Variants in TRIO observed in about 807,000 individuals in gnomAD.
TRIO encodes trio Rho guanine nucleotide exchange factor.
Under a neutral mutation model 351.9 loss-of-function variants are expected in TRIO, and 58 were observed. The observed-to-expected ratio is 0.16, with a 90% CI of 0.13 to 0.21. The LOEUF (loss-of-function observed/expected upper bound fraction) is 0.21. Ranked by LOEUF, TRIO falls within the 10% of genes least tolerant of loss-of-function variation. TRIO has a pLI of 1.00. For missense variants in TRIO, 3,201 were observed against 4,027.8 expected (o/e 0.79, Z 5.56); for synonymous variants, 1,758 against 1,595.7 (o/e 1.10, Z -2.42).
rs76704827 is a variant in TRIO, at chr5:14,287,067, A to C, written c.540+4A>C. The C allele has an allele frequency of 6.2e-7, 1 of 1,613,734 alleles. No individual in the cohort carries two copies. The highest frequency in any genetic ancestry group is 8.5e-7 in the Non-Finnish European group (1 of 1,179,780). On this transcript the variant is annotated splice_donor_region_variant and intron_variant, in intron 4 of 56. Coordinates refer to ENST00000344204, the MANE Select transcript of TRIO (RefSeq NM_007118.4). ...CAGTTCTAAATTTGAATTTGAGGTA[A>C]CTTCCCCCGTGTGGCTAGACCCACT...
intron 1 of TRIO, among the ~76,000 whole-genome samples, chr5:14,225,567 T>C (rs1792937803): frequency 6.6e-6 from 1 of 152,134 alleles, no homozygotes; most frequent in African/African-American, 2.4e-5. Context: ...CAGGGGTCAC[T>C]CTTTCCTGGA....
At chr5:14,313,046 A>G (rs1739064640) in intron 8 of TRIO, among the ~76,000 whole-genome samples, 1 of 152,208 alleles carries the variant, frequency 6.6e-6, no homozygotes, top group Non-Finnish European at 1.5e-5. Flanking sequence ...ATATAGAATC[A>G]TATTTGGAAA....
intron 1 of TRIO, among the ~76,000 whole-genome samples, chr5:14,226,695 G>A (rs1462527020): frequency 1.6e-4 from 25 of 152,176 alleles, no homozygotes; most frequent in Admixed American, 1.6e-3. Flanking sequence ...GAAGCATTAC[G>A]TCTTCACTTA....
intron 11 of TRIO, among the ~76,000 whole-genome samples, chr5:14,345,520 G>A (rs1742341827): frequency 1.3e-5 from 2 of 152,214 alleles, no homozygotes; most frequent in Admixed American, 1.3e-4. Flanking sequence ...GAGATGAAGT[G>A]TTAAGGCCTT....
At chr5:14,325,515 C>G (rs917943093) in intron 9 of TRIO, among the ~76,000 whole-genome samples, 2 of 152,164 alleles carry the variant, frequency 1.3e-5, no homozygotes, top group African/African-American at 4.8e-5. Context: ...GAGTTAGACT[C>G]ACTCCCTCCC....
chr5:14,216,829 T>C (rs1332369161), intron 1 of TRIO, among the ~76,000 whole-genome samples: 2 of 152,262 alleles, frequency 1.3e-5, no homozygotes, highest in African/African-American at 4.8e-5. Context: ...ACTGGCCTAT[T>C]TGCCTTGGTG....
chr5:14,392,898 A>T (rs1363793176), intron 27 of TRIO, among the ~76,000 whole-genome samples: 1 of 148,946 alleles, frequency 6.7e-6, no homozygotes, highest in African/African-American at 2.5e-5. Flanking sequence ...TACAAAAAAA[A>T]TTAGCCGAGC....
chr5:14,369,103 A>G (rs1744848208), intron 17 of TRIO, among the ~76,000 whole-genome samples: 1 of 152,180 alleles, frequency 6.6e-6, no homozygotes, highest in South Asian at 2.1e-4. Flanking sequence ...AGCTGAGAAG[A>G]CACCTCTCTT....
intron 9 of TRIO, among the ~76,000 whole-genome samples, chr5:14,320,437 C>G (rs1739777469): frequency 6.6e-6 from 1 of 152,098 alleles, no homozygotes. Context: ...GTTTGCTTTC[C>G]TGAAGCCTAC....
At position 14,509,699 on chromosome 5, in the gene TRIO, C is replaced by T. The variant is rs193266312; in HGVS notation, c.*1277C>T. 1.3e-3 allele frequency: 432 copies of T among 320,746 alleles called. No individual in the cohort carries two copies. Among genetic ancestry groups the T allele is most frequent in the Non-Finnish European group, 2.0e-3 (336 of 166,956 alleles). The allele number at this position is 320,746 out of a possible 1,614,324, so 19.9% of individuals were successfully genotyped here. On this transcript the variant is annotated 3_prime_UTR_variant, in exon 57 of 57. Transcript: ENST00000344204. ...AAAGCCGATTAAGCACTGGCCGCCC[C>T]GCGGCTGGTACCCAATGCCCGAGTC... is the stretch of plus-strand genomic sequence containing the variant.
At chr5:14,444,971 T>C (rs1017151606) in intron 34 of TRIO, among the ~76,000 whole-genome samples, 2 of 152,226 alleles carry the variant, frequency 1.3e-5, no homozygotes, top group Non-Finnish European at 1.5e-5. Context: ...TCTTTTCTTA[T>C]TTCTAGACAA....
chr5:14,247,144 G>T (rs1581439021), intron 1 of TRIO, among the ~76,000 whole-genome samples: 1 of 152,264 alleles, frequency 6.6e-6, no homozygotes, highest in South Asian at 2.1e-4. Flanking sequence ...TGGCCCCTCA[G>T]TGAGCCTCGT....
intron 1 of TRIO, among the ~76,000 whole-genome samples, chr5:14,203,458 T>A (rs947529821): frequency 2.6e-5 from 4 of 152,214 alleles, no homozygotes; most frequent in Non-Finnish European, 5.9e-5. Flanking sequence ...GGTAATTTTC[T>A]TTTTTTACAG....
chr5:14,329,667 T>C (rs1336123528), intron 9 of TRIO, among the ~76,000 whole-genome samples: 1 of 152,258 alleles, frequency 6.6e-6, no homozygotes, highest in African/African-American at 2.4e-5. Context: ...TTCAATACTA[T>C]AGCTGTGCAT....
intron 36 of TRIO, among the ~76,000 whole-genome samples, 197 bp downstream of exon 36, chr5:14,463,122 G>A (rs928373009): frequency 6.6e-6 from 1 of 152,262 alleles, no homozygotes; most frequent in Non-Finnish European, 1.5e-5. Context: ...TAGAATAGCA[G>A]TAGGCCAGCG....
intron 21 of TRIO, among the ~76,000 whole-genome samples, chr5:14,383,139 TGACAA>T (rs1257544018): frequency 6.6e-6 from 1 of 152,176 alleles, no homozygotes; most frequent in Non-Finnish European, 1.5e-5. Flanking sequence ...TTGGGCAAGA[TGACAA>T]GATCCTGTCT....
intron 1 of TRIO, among the ~76,000 whole-genome samples, chr5:14,178,289 AAAAG>A: frequency 6.6e-6 from 1 of 152,346 alleles, no homozygotes; most frequent in East Asian, 1.9e-4. Flanking sequence ...TGTCAATTAA[AAAAG>A]GGGAGAAAAT....
intron 39 of TRIO, among the ~76,000 whole-genome samples, chr5:14,473,411 G>T (rs1754826212): frequency 6.6e-6 from 1 of 152,218 alleles, no homozygotes. Flanking sequence ...TAACACAAAA[G>T]ATTTAACATG....
intron 18 of TRIO, 93 bp from the exon 19 acceptor site, chr5:14,374,136 G>C: frequency 1.2e-6 from 1 of 815,900 alleles, no homozygotes; most frequent in African/African-American, 1.7e-5. Flanking sequence ...AATATTTTAG[G>C]TAAAGACATA....
Sources: allele counts gnomAD v4.1 joint callset (sites outside exome capture counted in the v4.1 genomes callset), GRCh38; gene constraint gnomAD v4.1.1; transcripts MANE v1.5; gene names NCBI Gene and HGNC (gene_info 2026-07-23, HGNC 2026-07-21).